The following FAM131A variants were observed in gnomAD, a reference collection of about 807,000 sequenced individuals.
FAM131A encodes protein FAM131A.
A neutral mutation model predicts 39.2 loss-of-function variants in FAM131A; 24 were observed. The observed-to-expected ratio is 0.61, with a 90% confidence interval of 0.44 to 0.86. The LOEUF (loss-of-function observed/expected upper bound fraction) is 0.86, where lower values mean the gene tolerates loss of function less well. FAM131A is among the 40% of genes least tolerant of loss of function. The probability of loss-of-function intolerance (pLI) is 0.00; values close to 1 mark genes in which losing one functional copy is unlikely to be tolerated. For missense variants in FAM131A, 373 were observed against 481.2 expected (o/e 0.78, Z 2.10); for synonymous variants, 202 against 206.8 (o/e 0.98, Z 0.20).
upstream of FAM131A, chr3:184,337,297 C>A (rs559764966): frequency 7.9e-6 from 2 of 252,676 alleles, no homozygotes; most frequent in East Asian, 1.8e-4. Flanking sequence ...TCCTGTTTTC[C>A]TTCTGGTTGG....
Position 184,342,763 on chromosome 3 carries a change from C to T in FAM131A, c.528C>T (p.Ala176=). ...RFAAGVAEQF[A]IAEAKLRAWS... Reference sequence around the variant, plus strand: ...CGACAGGAGTGGCTGAGCAGTTTGCCATCGCGGAAGCCAAGCTCCGAGCAT... The same window carrying T: ...CGACAGGAGTGGCTGAGCAGTTTGCTATCGCGGAAGCCAAGCTCCGAGCAT... Residue 176 remains alanine, a synonymous_variant, in exon 5 of 6, where the codon GCC becomes GCT. Coordinates refer to ENST00000383847, the MANE Select transcript of FAM131A (RefSeq NM_144635.5). This position sits in a 1 kb window ranked among gnomAD's most constrained non-coding sequence, Gnocchi z 4.6. 6.2e-7 allele frequency: 1 copy of T among 1,613,468 alleles called. No homozygotes were observed. The highest frequency in any genetic ancestry group is 1.3e-5 in the African/African-American group (1 of 75,022).
chr3:184,342,852 T>C lies in FAM131A; in HGVS notation c.617T>C (p.Met206Thr). 6.2e-7 allele frequency: 1 copy of C among 1,612,390 alleles called. No individual in the cohort carries two copies. Among genetic ancestry groups the C allele is most frequent in the East Asian group, 2.2e-5 (1 of 44,806 alleles). The part of the protein sequence containing the change: ...DSYDEDFAGG[M>T]DTDMAGQLPL... ...TATGATGAGGACTTTGCTGGGGGAA[T>C]GGACACAGGTGAGGGACATCCTGGG... is the stretch of plus-strand genomic sequence containing the variant. Residue 206 changes from methionine (M) to threonine (T), a missense_variant, in exon 5 of 6, where the codon ATG becomes ACG. Physicochemically the swap from Met to Thr is moderately conservative, Grantham distance 81. Coordinates refer to ENST00000383847, the MANE Select transcript of FAM131A (RefSeq NM_144635.5). This position sits in a 1 kb window ranked among gnomAD's most constrained non-coding sequence, Gnocchi z 4.6.
At position 184,344,801 on chromosome 3, in the gene FAM131A, C is replaced by T; in HGVS notation, c.932C>T (p.Thr311Ile). ...GACTCACTCTACAACTCGCCCCTCA[C>T]AGAGTCCTGCCTTTCCCCCGCGGAG... Reference protein sequence around the residue: ...AQDSLYNSPLTESCLSPAEEE... With the variant: ...AQDSLYNSPLIESCLSPAEEE... The change falls in exon 6 of 6, where the codon ACA becomes ATA. Residue 311 changes from threonine (T) to isoleucine (I), a missense_variant. Around this residue, in one of 2 missense-constraint regions of FAM131A, gnomAD observed 152 missense variants for 133.5 expected, o/e 1.14. Transcript: ENST00000383847. 1.2e-6 allele frequency: 2 copies of T among 1,612,366 alleles called. No homozygotes were observed. The highest frequency in any genetic ancestry group is 1.7e-6 in the Non-Finnish European group (2 of 1,179,902).
At chr3:184,339,417 C>T (rs1370439087) in intron 2 of FAM131A, 2 of 152,202 alleles carry the variant, frequency 1.3e-5, no homozygotes, top group East Asian at 3.9e-4. Flanking sequence ...TGCTTGCTGA[C>T]AGGGATTGGT....
At chr3:184,335,971 G>C (rs186760695), upstream of FAM131A, 19 of 152,382 alleles carry the variant, frequency 1.2e-4, no homozygotes, top group East Asian at 3.7e-3. Flanking sequence ...CGGACGCGCG[G>C]CTCCCACCCC....
intron 5 of FAM131A, 33 bp from the exon 6 acceptor site, chr3:184,344,462 G>T (rs776462153): frequency 4.0e-6 from 6 of 1,508,046 alleles, no homozygotes; most frequent in Admixed American, 2.3e-5. Flanking sequence ...AATGGAGCCA[G>T]CAGGACTGTC....
chr3:184,343,648 G>A (rs576739612), intron 5 of FAM131A, among the ~76,000 whole-genome samples: 86 of 152,322 alleles, frequency 5.6e-4, no homozygotes, highest in African/African-American at 2.0e-3. Flanking sequence ...TGGTCTGGAG[G>A]GCTGATTTGG....
At chr3:184,336,904 C>G (rs1373883199), upstream of FAM131A, among the ~76,000 whole-genome samples, 1 of 152,200 alleles carries the variant, frequency 6.6e-6, no homozygotes, top group Admixed American at 6.5e-5. This position sits in a 1 kb window ranked among gnomAD's most constrained non-coding sequence, Gnocchi z 5.5. Flanking sequence ...CATCAGAGGT[C>G]GGCCAGCTTC....
chr3:184,345,485 C>G lies in FAM131A; in HGVS notation c.*515C>G. ...CCGGAGCCTATGGGTTGAGCCGTCC[C>G]TCAAGGGCCCCTGCCCAGCTGGGCT... On this transcript the variant is annotated 3_prime_UTR_variant, in exon 6 of 6. Coordinates refer to ENST00000383847, the MANE Select transcript of FAM131A (RefSeq NM_144635.5). 1 of 702,632 alleles carries G rather than the reference C, an allele frequency of 1.4e-6. No homozygotes were observed. Among genetic ancestry groups the G allele is most frequent in the Non-Finnish European group, 2.6e-6 (1 of 384,860 alleles). 43.5% of individuals were successfully genotyped at this position (702,632 alleles called of 1,614,324 possible).
At position 184,344,769 on chromosome 3, in the gene FAM131A, G is replaced by A; in HGVS notation, c.900G>A (p.Glu300=). The change falls in exon 6 of 6, where the codon GAG becomes GAA. Residue 300 remains glutamate, a synonymous_variant. Coordinates refer to ENST00000383847, the MANE Select transcript of FAM131A (RefSeq NM_144635.5). ...ESAFRSLGPL[E]AQDSLYNSPL... ...CCTTCCGCAGCCTGGGCCCACTGGA[G>A]GCCCAGGACTCACTCTACAACTCGC... 1 of 1,612,282 alleles carries A rather than the reference G, an allele frequency of 6.2e-7. No individual in the cohort carries two copies. Among genetic ancestry groups the A allele is most frequent in the Non-Finnish European group, 8.5e-7 (1 of 1,179,940 alleles).
chr3:184,341,691 A>T (rs770624246), intron 2 of FAM131A, 33 bp from the exon 3 acceptor site: 1 of 1,575,650 alleles, frequency 6.3e-7, no homozygotes, highest in South Asian at 1.1e-5. Context: ...TTGCTGTCAG[A>T]GGGGCACTGA....
chr3:184,343,106 T>C, intron 5 of FAM131A: 1 of 282,154 alleles, frequency 3.5e-6, no homozygotes, highest in Non-Finnish European at 6.3e-6. Flanking sequence ...TCTGCACAGT[T>C]GTGCCTTGCA....
At chr3:184,337,024 G>A (rs914659502), upstream of FAM131A, among the ~76,000 whole-genome samples, 5 of 152,242 alleles carry the variant, frequency 3.3e-5, no homozygotes, top group Admixed American at 3.3e-4. Context: ...CCTTGGTGTG[G>A]TTGGTACTTG....
chr3:184,340,314 ATT>A (rs3064292), intron 2 of FAM131A: 194 of 75,844 alleles, frequency 2.6e-3, no homozygotes, highest in African/African-American at 6.2e-3. Flanking sequence ...CAGCCTATGC[ATT>A]TTTTTTTTTT....
upstream of FAM131A, among the ~76,000 whole-genome samples, chr3:184,336,440 C>T (rs1001511559): frequency 1.7e-4 from 26 of 152,272 alleles, no homozygotes; most frequent in African/African-American, 4.3e-4. This position sits in a 1 kb window ranked among gnomAD's most constrained non-coding sequence, Gnocchi z 5.5. Context: ...GCCCGATGCC[C>T]CCACCACTCC....
Position 184,345,478 on chromosome 3 carries a change from GCCGTCCCTCAAGGGC to G in FAM131A, c.*511_*525del, listed in dbSNP as rs1194928309. On this transcript the variant is annotated 3_prime_UTR_variant, in exon 6 of 6. Transcript: ENST00000383847. ...TGCCCTCCCGGAGCCTATGGGTTGA[GCCGTCCCTCAAGGGC>G]CCCTGCCCAGCTGGGCTCGTGCTGT... The G allele has an allele frequency of 4.3e-6, 3 of 702,208 alleles. No homozygotes were observed. Among genetic ancestry groups the G allele is most frequent in the Non-Finnish European group, 7.8e-6 (3 of 384,780 alleles). 43.5% of individuals were successfully genotyped at this position (702,208 alleles called of 1,614,324 possible). A position where few individuals can be genotyped will look rare whatever the true frequency, so the allele number is the denominator to read the frequency against.
At position 184,338,437 on chromosome 3, in the gene FAM131A, C is replaced by G; in HGVS notation, c.139C>G (p.Leu47Val). 1 of 1,506,526 alleles carries G rather than the reference C, an allele frequency of 6.6e-7. No homozygotes were observed. Among genetic ancestry groups the G allele is most frequent in the Non-Finnish European group, 8.8e-7 (1 of 1,133,216 alleles). The allele number at this position is 1,506,526 out of a possible 1,614,324, so 93.3% of individuals were successfully genotyped here. A position where few individuals can be genotyped will look rare whatever the true frequency, so the allele number is the denominator to read the frequency against. The change falls in exon 2 of 6, where the codon CTC (leucine) becomes GTC (valine). Residue 47 changes from leucine (L) to valine (V), a missense_variant. Physicochemically the swap from Leu to Val is conservative, Grantham distance 32. Coordinates refer to ENST00000383847, the MANE Select transcript of FAM131A (RefSeq NM_144635.5). ...AVEWIELPRG[L>V]SLSSLGSART... Reference sequence around the variant, plus strand: ...GGAGTGGATCGAACTTCCTCGGGGTCTCTCTCTATCCTCTTTGGGATCTGC... The same window carrying G: ...GGAGTGGATCGAACTTCCTCGGGGTGTCTCTCTATCCTCTTTGGGATCTGC...
intron 5 of FAM131A, among the ~76,000 whole-genome samples, chr3:184,344,274 C>T (rs1031648229): frequency 2.6e-5 from 4 of 152,160 alleles, no homozygotes; most frequent in Admixed American, 6.5e-5. Context: ...CGTGAGCCAC[C>T]GCACCCACCT....
In FAM131A at chr3:184,344,363, C is replaced by A. The variant is rs908983423; in HGVS notation, c.626-132C>A. 4 of 785,308 alleles carry A rather than the reference C, an allele frequency of 5.1e-6. No homozygotes were observed. The East Asian group carries it at 7.7e-5, about 15-fold the overall frequency. 48.6% of individuals were successfully genotyped at this position (785,308 alleles called of 1,614,324 possible). A position where few individuals can be genotyped will look rare whatever the true frequency, so the allele number is the denominator to read the frequency against. On this transcript the variant is annotated intron_variant, in intron 5 of 5. Transcript: ENST00000383847. ...ACACTGAGGTCTCAAAAAGTTGTGA[C>A]TGGTTCAAGGTTACCCAGCACCTAT...
Sources: allele counts gnomAD v4.1 joint callset (sites outside exome capture counted in the v4.1 genomes callset), GRCh38; gene constraint gnomAD v4.1.1; regional missense constraint gnomAD v4.1.1; non-coding constraint Gnocchi (gnomAD v3.1); transcripts MANE v1.5; gene names NCBI Gene and HGNC (gene_info 2026-07-23, HGNC 2026-07-21).